Variants in NCKAP5 observed in about 807,000 individuals in gnomAD.
NCKAP5 encodes the protein NCK associated protein 5.
In NCKAP5, 92 loss-of-function variants were observed where a neutral mutation model predicts 167.0. The ratio of observed to expected loss-of-function variants is 0.55; its 90% CI spans 0.47 to 0.66. NCKAP5 has a LOEUF of 0.66. Among genes scored for constraint, NCKAP5 ranks in the 30% least tolerant of loss-of-function variants. The pLI is 0.00. For synonymous variants in NCKAP5, 891 were observed against 877.4 expected, an observed-to-expected ratio of 1.02 and a Z score of -0.27; for missense variants, 2,378 against 2,315.0, an observed-to-expected ratio of 1.03 and a Z score of -0.56.
At chr2:132,926,534 T>C (rs1695907301) in intron 8 of NCKAP5, among the ~76,000 whole-genome samples, 1 of 152,106 alleles carries the variant, frequency 6.6e-6, no homozygotes, top group Admixed American at 6.6e-5. Flanking sequence ...CCAACATTTG[T>C]TTTTGTTTTT....
chr2:132,960,926 C>A (rs1365240013), intron 8 of NCKAP5, among the ~76,000 whole-genome samples: 7 of 152,124 alleles, frequency 4.6e-5, no homozygotes, highest in African/African-American at 1.4e-4. Flanking sequence ...CAAATATGGT[C>A]ATTTCAAAAA....
At position 132,956,211 on chromosome 2, in the gene NCKAP5, T is replaced by C. The variant is rs539271534; in HGVS notation, c.579+7509A>G. ...CTCTGCATGCCATAAATGTATCTAATTATAAATTACCAATTTACAATTTTT... is the reference window on the plus strand; with the variant it reads ...CTCTGCATGCCATAAATGTATCTAACTATAAATTACCAATTTACAATTTTT... On this transcript the variant is annotated intron_variant, in intron 8 of 19. Coordinates refer to ENST00000409261, the MANE Select transcript of NCKAP5 (RefSeq NM_207363.3). 2.8e-3 allele frequency among the ~76,000 whole-genome samples: 422 copies of C among 152,348 alleles called. 2 individuals carry two copies. The highest frequency in any genetic ancestry group is 9.9e-3 in the African/African-American group (410 of 41,580).
intron 3 of NCKAP5, among the ~76,000 whole-genome samples, chr2:133,447,650 C>G (rs771876494): frequency 6.8e-6 from 1 of 148,076 alleles, no homozygotes; most frequent in East Asian, 2.0e-4. Context: ...CTTCTCTTCT[C>G]TTCTCTTTTC....
At chr2:133,407,118 A>G (rs1688489090) in intron 3 of NCKAP5, among the ~76,000 whole-genome samples, 1 of 152,226 alleles carries the variant, frequency 6.6e-6, no homozygotes, top group Admixed American at 6.5e-5. Context: ...TGAGTCTTGT[A>G]ATGGGGAATG....
intron 3 of NCKAP5, among the ~76,000 whole-genome samples, chr2:133,483,090 C>T (rs1198460058): frequency 6.6e-6 from 1 of 152,154 alleles, no homozygotes; most frequent in African/African-American, 2.4e-5. Flanking sequence ...ATCTATCTAT[C>T]TAGCTATTGT....
intron 15 of NCKAP5, among the ~76,000 whole-genome samples, chr2:132,777,524 G>C (rs1336674694): frequency 6.6e-6 from 1 of 152,048 alleles, no homozygotes; most frequent in East Asian, 1.9e-4. Flanking sequence ...CCAACATTTT[G>C]ATGTCAAAGC....
chr2:132,742,360 G>T (rs1036626883), intron 16 of NCKAP5, among the ~76,000 whole-genome samples: 1 of 151,952 alleles, frequency 6.6e-6, no homozygotes, highest in Non-Finnish European at 1.5e-5. Context: ...CGCAGGAAGA[G>T]ATTTAAATCA....
chr2:133,612,285 A>G, the NCKAP5 span, among the ~76,000 whole-genome samples: 9 of 152,226 alleles, frequency 5.9e-5, no homozygotes, highest in Admixed American at 3.3e-4. Flanking sequence ...ATAGGCATTG[A>G]GAAAAATATC....
intron 3 of NCKAP5, among the ~76,000 whole-genome samples, chr2:133,389,599 A>G (rs551039205): frequency 1.3e-5 from 2 of 152,368 alleles, no homozygotes; most frequent in Admixed American, 1.3e-4. Flanking sequence ...AATTTCTGAC[A>G]TCCAAAGCTG....
At chr2:132,742,220 T>C (rs1291997922) in intron 16 of NCKAP5, among the ~76,000 whole-genome samples, 1 of 152,042 alleles carries the variant, frequency 6.6e-6, no homozygotes, top group Non-Finnish European at 1.5e-5. Flanking sequence ...AAATCTCTTT[T>C]ACTTCACATC....
At position 132,783,608 on chromosome 2, in the gene NCKAP5, A is replaced by G; in HGVS notation, c.3203T>C (p.Ile1068Thr). 6.2e-7 allele frequency: 1 copy of G among 1,613,824 alleles called. No individual in the cohort carries two copies. Among genetic ancestry groups the G allele is most frequent in the Non-Finnish European group, 8.5e-7 (1 of 1,179,868 alleles). Residue 1068 changes from isoleucine (I) to threonine (T), a missense_variant, in exon 14 of 20, where the codon ATC becomes ACC. Physicochemically the swap from Ile to Thr is moderately conservative, Grantham distance 89. Transcript: ENST00000409261. The part of the protein sequence containing the change: ...QRDIGLQTPR[I>T]SPSTHEPLEM... ...CAGTGGCTCATGGGTTGAAGGAGAG[A>G]TCCTGGGAGTCTGTAATCCTATGTC...
intron 4 of NCKAP5, among the ~76,000 whole-genome samples, chr2:133,261,121 C>A (rs531356884): frequency 7.9e-5 from 12 of 152,126 alleles, no homozygotes; most frequent in Non-Finnish European, 1.6e-4. Context: ...AGAATAAATT[C>A]TTTGCTGTGT....
At chr2:132,799,175 C>T (rs1288376945) in intron 11 of NCKAP5, among the ~76,000 whole-genome samples, 2 of 151,984 alleles carry the variant, frequency 1.3e-5, no homozygotes, top group Admixed American at 6.6e-5. Context: ...TGCATGTTCT[C>T]ACTTATAAGT....
At chr2:133,045,655 A>AT (rs1396317694) in intron 6 of NCKAP5, among the ~76,000 whole-genome samples, 1 of 152,158 alleles carries the variant, frequency 6.6e-6, no homozygotes, top group African/African-American at 2.4e-5. Flanking sequence ...ACATACACTT[A>AT]TTTTTGTGAT....
intron 4 of NCKAP5, among the ~76,000 whole-genome samples, chr2:133,248,657 A>G (rs1332538582): frequency 6.6e-6 from 1 of 152,202 alleles, no homozygotes; most frequent in African/African-American, 2.4e-5. Flanking sequence ...ATATAGGGAC[A>G]AGACTGGACA....
chr2:133,510,346 T>C (rs765277229), intron 3 of NCKAP5, among the ~76,000 whole-genome samples: 8 of 152,008 alleles, frequency 5.3e-5, no homozygotes, highest in Admixed American at 1.3e-4. Flanking sequence ...TCAGTTCTCA[T>C]ATGAATAAAA....
At chr2:133,566,608 G>C (rs1688572043) in intron 1 of NCKAP5, among the ~76,000 whole-genome samples, 1 of 152,108 alleles carries the variant, frequency 6.6e-6, no homozygotes, top group South Asian at 2.1e-4. Flanking sequence ...ACCGCGTGTG[G>C]GTCCCATTTC....
intron 19 of NCKAP5, among the ~76,000 whole-genome samples, chr2:132,711,951 C>T (rs1688886263): frequency 1.3e-5 from 2 of 152,138 alleles, no homozygotes; most frequent in Admixed American, 6.5e-5. Context: ...AATAAAGAGG[C>T]AAGTATTTTG....
the NCKAP5 span, among the ~76,000 whole-genome samples, chr2:133,577,801 C>A: frequency 1.3e-5 from 2 of 152,126 alleles, no homozygotes; most frequent in Non-Finnish European, 2.9e-5. Context: ...ACTGCAGGAA[C>A]CATCCAGAAT....
Sources: gnomAD v4.1 joint callset for allele counts (sites outside exome capture counted in the v4.1 genomes callset) on GRCh38, gnomAD v4.1.1 for gene constraint, MANE v1.5 for transcripts, NCBI Gene and HGNC (gene_info 2026-07-23, HGNC 2026-07-21) for gene names.